SEMA3E: variants seen among roughly 807,000 people sequenced by gnomAD.
SEMA3E encodes semaphorin-3E.
A neutral mutation model predicts 93.6 loss-of-function variants in SEMA3E; 49 were observed. That is an observed-to-expected ratio of 0.52 (90% confidence interval 0.42 to 0.66). SEMA3E has a LOEUF of 0.66. SEMA3E is among the 30% of genes least tolerant of loss of function. The pLI is 0.00. For synonymous variants in SEMA3E, 363 were observed against 330.7 expected (o/e 1.10, Z -1.06); for missense variants, 906 against 964.8 (o/e 0.94, Z 0.81).
chr7:83,616,240 A>G (rs1427262114), intron 1 of SEMA3E, among the ~76,000 whole-genome samples: 2 of 152,188 alleles, frequency 1.3e-5, no homozygotes, highest in African/African-American at 4.8e-5. Context: ...ATGGTACACA[A>G]TATAGAAATA....
chr7:83,514,538 T>A (rs1300684442), intron 1 of SEMA3E, among the ~76,000 whole-genome samples: 2 of 152,078 alleles, frequency 1.3e-5, no homozygotes, highest in Non-Finnish European at 1.5e-5. Flanking sequence ...TTGTTGTTGG[T>A]TTTTAAAAAA....
chr7:83,471,178 G>A (rs1339396680), intron 2 of SEMA3E, among the ~76,000 whole-genome samples: 1 of 152,084 alleles, frequency 6.6e-6, no homozygotes. Context: ...AGTTGCTGAA[G>A]TTTGGTATTT....
chr7:83,552,491 A>G (rs555191060), intron 1 of SEMA3E, among the ~76,000 whole-genome samples: 1 of 152,300 alleles, frequency 6.6e-6, no homozygotes, highest in East Asian at 1.9e-4. Flanking sequence ...AGATAACCAC[A>G]AGGTCTGACT....
intron 1 of SEMA3E, among the ~76,000 whole-genome samples, chr7:83,592,825 G>A (rs1792781691): frequency 6.6e-6 from 1 of 152,148 alleles, no homozygotes; most frequent in African/African-American, 2.4e-5. Context: ...GTGTCTTGGA[G>A]GATGACAGAA....
Position 83,402,770 on chromosome 7 carries a change from A to T in SEMA3E, c.1005T>A (p.Ile335=). The change falls in exon 10 of 17, where the codon ATT becomes ATA. Residue 335 remains isoleucine (I), a synonymous_variant. Coordinates refer to ENST00000643230, the MANE Select transcript of SEMA3E (RefSeq NM_012431.3). The stretch of plus-strand genomic sequence containing the variant: ...AGACACATATAGCATGCCCTCGAAA[A>T]ATATTACTGAAAAATACAAAAAAGA... ...IFGLFNTTSN[I]FRGHAICVYH... 6.2e-7 allele frequency: 1 copy of T among 1,611,976 alleles called. No homozygotes were observed. Among genetic ancestry groups the T allele is most frequent in the Non-Finnish European group, 8.5e-7 (1 of 1,178,664 alleles).
chr7:83,584,123 G>A (rs1260417339), intron 1 of SEMA3E, among the ~76,000 whole-genome samples: 2 of 152,040 alleles, frequency 1.3e-5, no homozygotes, highest in African/African-American at 4.8e-5. Flanking sequence ...AGGTAAGAAG[G>A]GGATTACAAT....
intron 1 of SEMA3E, among the ~76,000 whole-genome samples, chr7:83,530,619 G>C (rs999113929): frequency 6.6e-6 from 1 of 152,194 alleles, no homozygotes; most frequent in Non-Finnish European, 1.5e-5. Flanking sequence ...GCTCATGCCT[G>C]TAATCCCAAC....
intron 1 of SEMA3E, among the ~76,000 whole-genome samples, chr7:83,645,645 C>T (rs1241376507): frequency 1.3e-5 from 2 of 151,794 alleles, no homozygotes; most frequent in Admixed American, 6.6e-5. Context: ...AATATTACCC[C>T]ATTGGGGCAC....
intron 2 of SEMA3E, among the ~76,000 whole-genome samples, chr7:83,470,862 C>T (rs202230180): frequency 1.4e-3 from 194 of 139,872 alleles, no homozygotes; most frequent in East Asian, 5.9e-3. Flanking sequence ...CCCACATTTT[C>T]TTTTTTTTTT....
intron 2 of SEMA3E, among the ~76,000 whole-genome samples, chr7:83,483,401 A>C (rs983795503): frequency 6.6e-6 from 1 of 152,188 alleles, no homozygotes; most frequent in Non-Finnish European, 1.5e-5. Context: ...ATGTGTCATC[A>C]TATCATAAAT....
intron 1 of SEMA3E, among the ~76,000 whole-genome samples, chr7:83,546,946 A>G (rs1693389): frequency 0.33 from 50,685 of 152,004 alleles, 10,352 homozygotes; most frequent in African/African-American, 0.57. Context: ...GACAAATTTA[A>G]GATGAAATTA....
rs77854558 is a variant in SEMA3E at position 83,399,642 on chromosome 7, C to A, written c.1366+386G>T. ...ATTGGAAACCAACTTTGTTCATTAA[C>A]GTCTATTATTCATTTCTTTACTTAT... On this transcript the variant is annotated intron_variant, in intron 11 of 16. Coordinates refer to ENST00000643230, the MANE Select transcript of SEMA3E (RefSeq NM_012431.3). 1.8e-4 allele frequency among the ~76,000 whole-genome samples: 28 copies of A among 152,296 alleles called. 1 individual carries two copies. In the South Asian group the frequency reaches 5.8e-3, roughly 32 times the overall value.
intron 1 of SEMA3E, among the ~76,000 whole-genome samples, chr7:83,566,309 T>C (rs1792153562): frequency 1.3e-5 from 2 of 152,006 alleles, no homozygotes; most frequent in Admixed American, 1.3e-4. Flanking sequence ...CCCAGCCCAA[T>C]GTTTCCATTC....
At chr7:83,637,040 A>G (rs41998) in intron 1 of SEMA3E, among the ~76,000 whole-genome samples, 42,102 of 148,484 alleles carry the variant, frequency 0.28, 6,501 homozygotes, top group South Asian at 0.35. Flanking sequence ...GTGTGTGTGT[A>G]TGTGTGTGTG....
At chr7:83,578,629 C>G (rs1225712996) in intron 1 of SEMA3E, among the ~76,000 whole-genome samples, 6 of 151,964 alleles carry the variant, frequency 3.9e-5, no homozygotes, top group Non-Finnish European at 7.4e-5. Flanking sequence ...TTTATCTGTT[C>G]TTAAAAATTC....
chr7:83,471,609 G>T (rs1274206847), intron 2 of SEMA3E, among the ~76,000 whole-genome samples: 1 of 152,072 alleles, frequency 6.6e-6, no homozygotes, highest in Non-Finnish European at 1.5e-5. Flanking sequence ...TAAATACTGT[G>T]ATCTAAGTCT....
chr7:83,484,630 A>G (rs1790216703), intron 2 of SEMA3E, among the ~76,000 whole-genome samples: 1 of 152,030 alleles, frequency 6.6e-6, no homozygotes, highest in South Asian at 2.1e-4. Flanking sequence ...CTCCCTAGAA[A>G]ATATTTTCTT....
At chr7:83,556,814 C>A (rs541166754) in intron 1 of SEMA3E, among the ~76,000 whole-genome samples, 2 of 152,116 alleles carry the variant, frequency 1.3e-5, no homozygotes, top group Non-Finnish European at 2.9e-5. Context: ...GAGGGTTCTG[C>A]CCTCATGAAA....
At chr7:83,388,146 TA>T (rs577319315) in intron 14 of SEMA3E, among the ~76,000 whole-genome samples, 297 of 148,068 alleles carry the variant, frequency 2.0e-3, no homozygotes, top group African/African-American at 6.6e-3. Flanking sequence ...CCGTGTCTAC[TA>T]AAAATACAAA....
Sources: gnomAD v4.1 joint callset for allele counts (sites outside exome capture counted in the v4.1 genomes callset) on GRCh38, gnomAD v4.1.1 for gene constraint, MANE v1.5 for transcripts, NCBI Gene and HGNC (gene_info 2026-07-23, HGNC 2026-07-21) for gene names.